CNGB3: variants seen among roughly 807,000 people sequenced by gnomAD.
The protein encoded by CNGB3 is cyclic nucleotide-gated channel beta-3.
Under a neutral mutation model 92.8 loss-of-function variants are expected in CNGB3, and 86 were observed. The ratio of observed to expected loss-of-function variants is 0.93; its 90% confidence interval spans 0.78 to 1.11. The LOEUF (loss-of-function observed/expected upper bound fraction) is 1.11. Ranked by LOEUF, CNGB3 falls within the 50% of genes least tolerant of loss-of-function variation. The pLI, the probability that CNGB3 is intolerant of heterozygous loss-of-function variation, is 0.00. For synonymous variants in CNGB3, 333 were observed against 332.7 expected (o/e 1.00, Z -0.01); for missense variants, 1,026 against 956.8 (o/e 1.07, Z -0.95).
At chr8:86,588,256 T>C (rs1289035320) in intron 15 of CNGB3, among the ~76,000 whole-genome samples, 2 of 144,738 alleles carry the variant, frequency 1.4e-5, no homozygotes, top group African/African-American at 5.4e-5. Flanking sequence ...AATGGGGTTT[T>C]CTAGATATAC....
chr8:86,658,699 T>G (rs930702308), intron 6 of CNGB3: 3 of 418,436 alleles, frequency 7.2e-6, no homozygotes, highest in Non-Finnish European at 1.3e-5. Context: ...CTCGGCTCTT[T>G]CTTGATGTGC....
At chr8:86,686,732 A>G (rs1343950275) in intron 3 of CNGB3, among the ~76,000 whole-genome samples, 1 of 152,014 alleles carries the variant, frequency 6.6e-6, no homozygotes, top group Non-Finnish European at 1.5e-5. Flanking sequence ...GACTCAGGTG[A>G]TAAGGTACTT....
chr8:86,729,010 A>G (rs2131673945), intron 2 of CNGB3, among the ~76,000 whole-genome samples: 1 of 152,286 alleles, frequency 6.6e-6, no homozygotes, highest in Admixed American at 6.5e-5. Flanking sequence ...TCCTGGGCTC[A>G]AGTGATTCTC....
chr8:86,602,873 G>A (rs1264058968), intron 15 of CNGB3, among the ~76,000 whole-genome samples: 1 of 152,126 alleles, frequency 6.6e-6, no homozygotes, highest in African/African-American at 2.4e-5. Context: ...TTTAGAAAAA[G>A]ACATAAATTC....
intron 11 of CNGB3, among the ~76,000 whole-genome samples, chr8:86,629,738 G>A (rs538083893): frequency 6.6e-6 from 1 of 152,304 alleles, no homozygotes; most frequent in South Asian, 2.1e-4. Context: ...ATCTACTGCT[G>A]TGACAATTCT....
intron 6 of CNGB3, among the ~76,000 whole-genome samples, chr8:86,664,482 T>C (rs3779791): frequency 0.75 from 113,433 of 152,084 alleles, 42,827 homozygotes; most frequent in East Asian, 0.93. Context: ...GGATGGCACA[T>C]TGGCCACAGT....
At chr8:86,591,247 T>A (rs894611998) in intron 15 of CNGB3, among the ~76,000 whole-genome samples, 1 of 144,290 alleles carries the variant, frequency 6.9e-6, no homozygotes, top group African/African-American at 2.6e-5. Flanking sequence ...TCTTCTAAAT[T>A]TTTTTCAAAG....
chr8:86,594,413 C>T, intron 15 of CNGB3: 1 of 286,030 alleles, frequency 3.5e-6, no homozygotes, highest in Non-Finnish European at 6.8e-6. Context: ...GGCGTGCTTG[C>T]TCCTGACGAA....
rs141971764 is a variant in CNGB3 at position 86,592,533 on chromosome 8, A to G, written c.1781+11560T>C. On this transcript the variant is annotated intron_variant, in intron 15 of 17. Transcript: ENST00000320005. The stretch of plus-strand genomic sequence containing the variant: ...AGTCTCAGTTGAGTAACTTGCCTGG[A>G]GATACATAGCTCATAAGTTGTGGCA... Among the ~76,000 whole-genome samples, 1,041 of 152,328 alleles carry G rather than the reference A, an allele frequency of 6.8e-3. 6 individuals carry two copies. Among genetic ancestry groups the G allele is most frequent in the Middle Eastern group, 0.014 (4 of 292 alleles).
chr8:86,650,905 A>G (rs1412323596), intron 7 of CNGB3, among the ~76,000 whole-genome samples: 1 of 151,862 alleles, frequency 6.6e-6, no homozygotes, highest in Non-Finnish European at 1.5e-5. Context: ...AAAATATGGA[A>G]CTAACCTAAG....
In CNGB3 at chr8:86,671,109, A is replaced by G; in HGVS notation, c.339-11T>C. On this transcript the variant is annotated splice_polypyrimidine_tract_variant and intron_variant, in intron 3 of 17. Coordinates refer to ENST00000320005, the MANE Select transcript of CNGB3 (RefSeq NM_019098.5). ...GGTTTGTTTTGTGGGCTAAATGAGA[A>G]AAAAAATGGCAATAGAGATGGGCCC... The G allele has an allele frequency of 5.0e-6, 8 of 1,613,218 alleles. No homozygotes were observed. Among genetic ancestry groups the G allele is most frequent in the East Asian group, 2.2e-5 (1 of 44,874 alleles).
chr8:86,698,711 G>C (rs1487266242), intron 3 of CNGB3, among the ~76,000 whole-genome samples: 1 of 152,128 alleles, frequency 6.6e-6, no homozygotes, highest in African/African-American at 2.4e-5. Flanking sequence ...GGTGGGAAGG[G>C]GTAGTTTGTT....
intron 10 of CNGB3, 87 bp downstream of exon 10, chr8:86,643,664 T>C (rs1036250681): frequency 7.5e-6 from 11 of 1,459,710 alleles, no homozygotes; most frequent in African/African-American, 1.4e-5. Flanking sequence ...TATGACAGCT[T>C]CAAAAACACT....
At chr8:86,582,533 T>C (rs1290654940) in intron 15 of CNGB3, among the ~76,000 whole-genome samples, 2 of 152,092 alleles carry the variant, frequency 1.3e-5, no homozygotes, top group Non-Finnish European at 2.9e-5. Flanking sequence ...CTTCTGGGCA[T>C]ATCATATTCC....
At chr8:86,593,848 C>T in intron 15 of CNGB3, 2 of 851,734 alleles carry the variant, frequency 2.3e-6, no homozygotes, top group Non-Finnish European at 3.8e-6. Flanking sequence ...TCAAATTGAA[C>T]TCCTGGACCC....
chr8:86,643,657 G>T, intron 10 of CNGB3, 94 bp downstream of exon 10: 1 of 1,403,762 alleles, frequency 7.1e-7, no homozygotes. Flanking sequence ...AATGGGTTAT[G>T]ACAGCTTCAA....
chr8:86,733,785 T>C (rs1434513866), intron 2 of CNGB3, among the ~76,000 whole-genome samples: 1 of 152,228 alleles, frequency 6.6e-6, no homozygotes, highest in African/African-American at 2.4e-5. Context: ...ATATGCTAAT[T>C]GTTACTGCCA....
rs113957302 is a variant in CNGB3 at position 86,740,169 on chromosome 8, C to T, written c.130-433G>A. 5.1e-3 allele frequency among the ~76,000 whole-genome samples: 780 copies of T among 152,250 alleles called. 4 individuals carry two copies. The highest frequency in any genetic ancestry group is 0.018 in the African/African-American group (739 of 41,528). On this transcript the variant is annotated intron_variant, in intron 1 of 17. Coordinates refer to ENST00000320005, the MANE Select transcript of CNGB3 (RefSeq NM_019098.5). ...TCATCTAAGCTTTCCTTTGAAATGCCGTTATGTCCCACTAGACATGGCCAG... is the reference window on the plus strand; with the variant it reads ...TCATCTAAGCTTTCCTTTGAAATGCTGTTATGTCCCACTAGACATGGCCAG...
chr8:86,600,363 C>A (rs2131555672), intron 15 of CNGB3, among the ~76,000 whole-genome samples: 1 of 152,256 alleles, frequency 6.6e-6, no homozygotes, highest in Admixed American at 6.5e-5. Flanking sequence ...GGCACTGTGC[C>A]TGGCAAAGAA....
Sources: allele counts gnomAD v4.1 joint callset (sites outside exome capture counted in the v4.1 genomes callset), GRCh38; gene constraint gnomAD v4.1.1; transcripts MANE v1.5; gene names NCBI Gene and HGNC (gene_info 2026-07-23, HGNC 2026-07-21).